Variants in NFKB1 observed in about 807,000 individuals in gnomAD.
NFKB1 encodes the protein nuclear factor NF-kappa-B p105 subunit.
A neutral mutation model predicts 105.1 loss-of-function variants in NFKB1; 9 were observed. That is an observed-to-expected ratio of 0.09 (90% CI 0.05 to 0.15). The LOEUF is 0.15. NFKB1 is among the 10% of genes least tolerant of loss of function. NFKB1 has a pLI of 1.00. For synonymous variants in NFKB1, 440 were observed against 442.2 expected (o/e 1.00, Z 0.06); for missense variants, 830 against 1,203.7 (o/e 0.69, Z 4.59).
At position 102,581,640 on chromosome 4, in the gene NFKB1, C is replaced by A. The variant is rs942636313; in HGVS notation, c.835+1001C>A. ...CTGTACTCCAGCCTAGATGACAGAG[C>A]GAGACCCTGTCTCAAAAAAAAGAAG... is the stretch of plus-strand genomic sequence containing the variant. On this transcript the variant is annotated intron_variant, in intron 9 of 23. Coordinates refer to ENST00000226574, the MANE Select transcript of NFKB1 (RefSeq NM_003998.4). 1.3e-4 allele frequency among the ~76,000 whole-genome samples: 20 copies of A among 152,106 alleles called. No homozygotes were observed. In the South Asian group the frequency reaches 3.7e-3, roughly 28 times the overall value.
At chr4:102,518,818 C>T (rs980479298) in intron 1 of NFKB1, among the ~76,000 whole-genome samples, 2 of 152,176 alleles carry the variant, frequency 1.3e-5, no homozygotes, top group Non-Finnish European at 2.9e-5. Context: ...GACTGCCTGT[C>T]TGTGCTCCAC....
chr4:102,563,397 T>C (rs1318523428), intron 5 of NFKB1, among the ~76,000 whole-genome samples: 1 of 152,082 alleles, frequency 6.6e-6, no homozygotes, highest in Admixed American at 6.5e-5. Context: ...GAAATAGAAG[T>C]GACCTAAATC....
At chr4:102,601,536 C>T (rs1434497453) in intron 16 of NFKB1, among the ~76,000 whole-genome samples, 1 of 152,206 alleles carries the variant, frequency 6.6e-6, no homozygotes, top group African/African-American at 2.4e-5. Flanking sequence ...AAAGTGGGAA[C>T]ACCAGAGTTT....
rs144844580 is a variant in NFKB1, at chr4:102,538,041, C to T, written c.258+85C>T. The T allele has an allele frequency of 1.3e-4, 114 of 844,738 alleles. No homozygotes were observed. In the East Asian group the frequency reaches 2.4e-3, roughly 18 times the overall value. 52.3% of individuals were successfully genotyped at this position (844,738 alleles called of 1,614,324 possible). On this transcript the variant is annotated intron_variant, in intron 5 of 23. Coordinates refer to ENST00000226574, the MANE Select transcript of NFKB1 (RefSeq NM_003998.4). ...TCCAAGGAATTGCTTTAAATGAGTA[C>T]GGGTTGCCTTCGCTCCTAAGCTGAA...
intron 5 of NFKB1, among the ~76,000 whole-genome samples, chr4:102,556,533 A>G (rs1723001557): frequency 6.6e-6 from 1 of 152,174 alleles, no homozygotes; most frequent in South Asian, 2.1e-4. Flanking sequence ...AACATATCCC[A>G]TTCCCAAAGA....
chr4:102,596,127 A>G lies in NFKB1; in HGVS notation c.1301-11A>G, dbSNP rs754301416. Reference sequence around the variant, plus strand: ...ACTGAGAAAAATCTGATGTTTTTGCATTTATCTTAGGAACCATGGACACTG... The same window carrying G: ...ACTGAGAAAAATCTGATGTTTTTGCGTTTATCTTAGGAACCATGGACACTG... On this transcript the variant is annotated splice_polypyrimidine_tract_variant and intron_variant, in intron 13 of 23. Coordinates refer to ENST00000226574, the MANE Select transcript of NFKB1 (RefSeq NM_003998.4). 1.3e-6 allele frequency: 2 copies of G among 1,507,920 alleles called. No individual in the cohort carries two copies. The highest frequency in any genetic ancestry group is 2.7e-5 in the South Asian group (2 of 73,002). 93.4% of individuals were successfully genotyped at this position (1,507,920 alleles called of 1,614,324 possible).
chr4:102,549,857 C>A (rs1161257763), intron 5 of NFKB1, among the ~76,000 whole-genome samples: 8 of 152,136 alleles, frequency 5.3e-5, no homozygotes, highest in Non-Finnish European at 1.5e-5. Context: ...TGTGCCTTCA[C>A]ACTTTTTTCA....
intron 5 of NFKB1, among the ~76,000 whole-genome samples, chr4:102,538,634 T>C (rs1741792671): frequency 6.6e-6 from 1 of 152,188 alleles, no homozygotes; most frequent in African/African-American, 2.4e-5. Flanking sequence ...TTCAGGCTGT[T>C]TGTTTATTTG....
At chr4:102,551,205 T>TGAC (rs1317082033) in intron 5 of NFKB1, among the ~76,000 whole-genome samples, 1 of 152,194 alleles carries the variant, frequency 6.6e-6, no homozygotes, top group Non-Finnish European at 1.5e-5. Context: ...GGCTCTGTGT[T>TGAC]GACACACATG....
intron 1 of NFKB1, among the ~76,000 whole-genome samples, chr4:102,507,996 CTTAA>C (rs763262858): frequency 1.3e-5 from 2 of 152,132 alleles, no homozygotes; most frequent in African/African-American, 2.4e-5. Flanking sequence ...AAATAGATTA[CTTAA>C]TTGTCTTAGA....
intron 21 of NFKB1, 43 bp from the exon 22 acceptor site, chr4:102,612,391 A>G (rs1190849307): frequency 1.9e-6 from 3 of 1,593,082 alleles, no homozygotes; most frequent in Admixed American, 1.7e-5. Flanking sequence ...CAGAGTGTCT[A>G]TGGCATGTTA....
At chr4:102,577,846 G>A (rs1724987623) in intron 7 of NFKB1, 1 of 985,122 alleles carries the variant, frequency 1.0e-6, no homozygotes, top group African/African-American at 1.7e-5. Flanking sequence ...ACTTATAGTA[G>A]TCTTCTCCCT....
chr4:102,532,830 A>C (rs1462876687), intron 3 of NFKB1, among the ~76,000 whole-genome samples: 2 of 152,176 alleles, frequency 1.3e-5, no homozygotes, highest in African/African-American at 4.8e-5. Context: ...TTTACATTCA[A>C]ATAAATGAGA....
chr4:102,577,936 C>G, intron 7 of NFKB1: 1 of 985,440 alleles, frequency 1.0e-6, no homozygotes, highest in Non-Finnish European at 1.2e-6. Flanking sequence ...TATCTTGTTG[C>G]TGCTCCGTGT....
rs754689167 is a variant in NFKB1 at position 102,567,089 on chromosome 4, G to T, written c.361G>T (p.Asp121Tyr). The change falls in exon 6 of 24, where the codon GAT becomes TAT. Residue 121 changes from aspartate to tyrosine, a missense_variant. Around this residue, in one of 8 missense-constraint regions of NFKB1, gnomAD observed 64 missense variants for 79.9 expected, o/e 0.80. Coordinates refer to ENST00000226574, the MANE Select transcript of NFKB1 (RefSeq NM_003998.4). ...CAGCCTGGTGGGAAAACACTGTGAG[G>T]ATGGGATCTGCACTGTAACTGCTGG... is the stretch of plus-strand genomic sequence containing the variant. ...AHSLVGKHCE[D>Y]GICTVTAGPK... 2 of 1,614,000 alleles carry T rather than the reference G, an allele frequency of 1.2e-6. No individual in the cohort carries two copies. The highest frequency in any genetic ancestry group is 1.7e-6 in the Non-Finnish European group (2 of 1,179,898).
At chr4:102,588,504 G>A (rs536836784) in intron 11 of NFKB1, among the ~76,000 whole-genome samples, 1 of 152,120 alleles carries the variant, frequency 6.6e-6, no homozygotes, top group South Asian at 2.1e-4. Context: ...GAAAGATGGA[G>A]ATTAGGGATA....
chr4:102,596,856 C>T (rs1251051431), intron 14 of NFKB1, among the ~76,000 whole-genome samples: 1 of 151,642 alleles, frequency 6.6e-6, no homozygotes, highest in African/African-American at 2.4e-5. Flanking sequence ...ACTAAGAAGA[C>T]GTCTATAAAA....
At chr4:102,522,554 A>C (rs539100802) in intron 1 of NFKB1, among the ~76,000 whole-genome samples, 1 of 152,352 alleles carries the variant, frequency 6.6e-6, no homozygotes, top group South Asian at 2.1e-4. Context: ...ATCATGCATC[A>C]GTTCTAATAA....
In NFKB1 at chr4:102,609,426, A is replaced by G. The variant is rs576898726; in HGVS notation, c.2228-1149A>G. Among the ~76,000 whole-genome samples, 6 of 152,062 alleles carry G rather than the reference A, an allele frequency of 3.9e-5. No homozygotes were observed. The South Asian group carries it at 8.3e-4, about 21-fold the overall frequency. On this transcript the variant is annotated intron_variant, in intron 19 of 23. Transcript: ENST00000226574. ...TGGCAGTTCGAGACTCACCTGGCCA[A>G]CATGACGAAACCCCATCTCTACTAA...
Sources: gnomAD v4.1 joint callset for allele counts (sites outside exome capture counted in the v4.1 genomes callset) on GRCh38, gnomAD v4.1.1 for gene constraint, gnomAD v4.1.1 regional missense constraint, MANE v1.5 for transcripts, NCBI Gene and HGNC (gene_info 2026-07-23, HGNC 2026-07-21) for gene names.